ATP6V0E1: variants seen among roughly 807,000 people sequenced by gnomAD.
ATP6V0E1 encodes the protein ATPase H+ transporting V0 subunit e1.
A neutral mutation model predicts 11.6 loss-of-function variants in ATP6V0E1; 4 were observed. The ratio of observed to expected loss-of-function variants is 0.35; its 90% CI spans 0.17 to 0.79. The LOEUF (loss-of-function observed/expected upper bound fraction) is 0.79. ATP6V0E1 is among the 30% of genes least tolerant of loss of function. ATP6V0E1 has a pLI of 0.54. For synonymous variants in ATP6V0E1, 36 were observed against 34.8 expected (o/e 1.04, Z -0.13); for missense variants, 105 against 100.0 (o/e 1.05, Z -0.21).
chr5:173,005,165 A>T (rs1473609264), intron 2 of ATP6V0E1, among the ~76,000 whole-genome samples: 2 of 152,140 alleles, frequency 1.3e-5, no homozygotes, highest in Non-Finnish European at 2.9e-5. Flanking sequence ...TCTACGAAAA[A>T]AAAAAAAACC....
At chr5:173,024,846 C>CT (rs542062411) in intron 3 of ATP6V0E1, among the ~76,000 whole-genome samples, 14,674 of 136,100 alleles carry the variant, frequency 0.11, 1,028 homozygotes, top group South Asian at 0.18. Flanking sequence ...TTTCTTTTTT[C>CT]TTTTTTTTTT....
At chr5:172,999,642 A>G (rs1756122764) in intron 2 of ATP6V0E1, among the ~76,000 whole-genome samples, 1 of 152,216 alleles carries the variant, frequency 6.6e-6, no homozygotes, top group South Asian at 2.1e-4. Flanking sequence ...TCCACTTTCA[A>G]GTATAAAATG....
At chr5:173,014,801 CAG>C (rs1168836157) in intron 2 of ATP6V0E1, among the ~76,000 whole-genome samples, 2 of 151,996 alleles carry the variant, frequency 1.3e-5, no homozygotes, top group Non-Finnish European at 2.9e-5. Flanking sequence ...AAACATTAAA[CAG>C]AGGAAATAAG....
At chr5:173,022,233 T>C (rs193251460) in intron 3 of ATP6V0E1, among the ~76,000 whole-genome samples, 24 of 152,322 alleles carry the variant, frequency 1.6e-4, no homozygotes, top group African/African-American at 5.8e-4. Context: ...TCAAGTTTTT[T>C]GGCTCTTTAG....
At chr5:173,013,445 G>C (rs1419148782) in intron 2 of ATP6V0E1, among the ~76,000 whole-genome samples, 2 of 151,838 alleles carry the variant, frequency 1.3e-5, no homozygotes, top group East Asian at 3.9e-4. Context: ...CGTAGTGGTG[G>C]GCGCCTGTAG....
intron 2 of ATP6V0E1, among the ~76,000 whole-genome samples, chr5:173,014,206 G>T (rs1298842019): frequency 3.4e-5 from 5 of 148,544 alleles, no homozygotes; most frequent in Non-Finnish European, 7.4e-5. Context: ...ATGCCAGCAA[G>T]GATGCAGAGA....
At chr5:173,020,671 G>T in intron 3 of ATP6V0E1, 1 of 525,530 alleles carries the variant, frequency 1.9e-6, no homozygotes, top group Non-Finnish European at 3.8e-6. Flanking sequence ...ACTTGGCATT[G>T]TGAGATCCAG....
chr5:173,016,660 C>G (rs1195812473), intron 2 of ATP6V0E1, among the ~76,000 whole-genome samples: 1 of 152,120 alleles, frequency 6.6e-6, no homozygotes, highest in African/African-American at 2.4e-5. Flanking sequence ...TTTCAGGCAG[C>G]TTGTATTGCC....
At chr5:172,996,923 G>A (rs1184271712) in intron 2 of ATP6V0E1, among the ~76,000 whole-genome samples, 1 of 148,722 alleles carries the variant, frequency 6.7e-6, no homozygotes, top group Non-Finnish European at 1.5e-5. Flanking sequence ...ATTTTGCTCT[G>A]GTTGTTATCT....
intron 3 of ATP6V0E1, among the ~76,000 whole-genome samples, chr5:173,026,732 A>G (rs373387700): frequency 6.6e-6 from 1 of 152,186 alleles, no homozygotes; most frequent in South Asian, 2.1e-4. Flanking sequence ...CCACAGTGCC[A>G]TCCTATGCAT....
intron 2 of ATP6V0E1, among the ~76,000 whole-genome samples, chr5:173,016,639 C>T (rs770554602): frequency 3.3e-5 from 5 of 152,222 alleles, no homozygotes; most frequent in Non-Finnish European, 5.9e-5. Context: ...CAGTCTCTTA[C>T]GAAAGTGTTT....
intron 3 of ATP6V0E1, among the ~76,000 whole-genome samples, chr5:173,034,067 A>G (rs1756704473): frequency 6.6e-6 from 1 of 152,176 alleles, no homozygotes; most frequent in African/African-American, 2.4e-5. Context: ...CCATGCTATA[A>G]GAGGGAAGGG....
At chr5:173,022,517 T>A (rs1198112199) in intron 3 of ATP6V0E1, among the ~76,000 whole-genome samples, 1 of 152,242 alleles carries the variant, frequency 6.6e-6, no homozygotes, top group African/African-American at 2.4e-5. Context: ...CTCATTCTTG[T>A]CACCTAGGCT....
intron 3 of ATP6V0E1, 186 bp downstream of exon 3, chr5:173,020,553 T>G: frequency 3.5e-6 from 2 of 565,376 alleles, no homozygotes; most frequent in Admixed American, 3.0e-5. Flanking sequence ...ATTAAGATTC[T>G]TTTTAGATTC....
intron 2 of ATP6V0E1, among the ~76,000 whole-genome samples, chr5:172,999,621 C>T (rs1307741908): frequency 6.6e-6 from 1 of 152,202 alleles, no homozygotes; most frequent in Non-Finnish European, 1.5e-5. Flanking sequence ...GCCACCACGC[C>T]CAGTCATATT....
chr5:173,017,452 T>C (rs1027601439), intron 2 of ATP6V0E1, among the ~76,000 whole-genome samples: 1 of 151,368 alleles, frequency 6.6e-6, no homozygotes, highest in African/African-American at 2.4e-5. Context: ...GAGAATCGCT[T>C]GAACCCGGGA....
At chr5:173,008,524 C>T (rs1051451886) in intron 2 of ATP6V0E1, among the ~76,000 whole-genome samples, 6 of 150,194 alleles carry the variant, frequency 4.0e-5, no homozygotes, top group African/African-American at 1.5e-4. Flanking sequence ...TGGTCTTGAT[C>T]TCTTGACCTC....
chr5:173,011,429 C>T (rs1393534551), intron 2 of ATP6V0E1, among the ~76,000 whole-genome samples: 2 of 152,120 alleles, frequency 1.3e-5, no homozygotes, highest in African/African-American at 2.4e-5. Flanking sequence ...AGCAATCCAC[C>T]TGCCTCAGCC....
chr5:172,998,374 A>G (rs1008191182), intron 2 of ATP6V0E1, among the ~76,000 whole-genome samples: 1 of 152,024 alleles, frequency 6.6e-6, no homozygotes, highest in East Asian at 1.9e-4. Context: ...TGGGAGGCCA[A>G]GGCGGGAAGA....
Sources: gnomAD v4.1 joint callset for allele counts (sites outside exome capture counted in the v4.1 genomes callset) on GRCh38, gnomAD v4.1.1 for gene constraint, MANE v1.5 for transcripts, NCBI Gene and HGNC (gene_info 2026-07-23, HGNC 2026-07-21) for gene names.